SLC25A26: variants seen among roughly 807,000 people sequenced by gnomAD.
SLC25A26 encodes the protein mitochondrial S-adenosylmethionine carrier protein.
A neutral mutation model predicts 37.8 loss-of-function variants in SLC25A26; 36 were observed. That is an observed-to-expected ratio of 0.95 (90% CI 0.73 to 1.26). The LOEUF (loss-of-function observed/expected upper bound fraction) is 1.26. Among genes scored for constraint, SLC25A26 ranks in the 50% most tolerant of loss-of-function variants. The pLI is 0.00. For missense variants in SLC25A26, 390 were observed against 331.1 expected (o/e 1.18, Z -1.38); for synonymous variants, 129 against 122.5 (o/e 1.05, Z -0.35).
intron 2 of SLC25A26, among the ~76,000 whole-genome samples, chr3:66,239,371 C>A (rs564257567): frequency 7.3e-5 from 11 of 151,544 alleles, no homozygotes; most frequent in Non-Finnish European, 1.3e-4. Context: ...TGATAAATGT[C>A]CTTGGTGACA....
At chr3:66,266,862 T>C (rs1322543037) in intron 5 of SLC25A26, among the ~76,000 whole-genome samples, 4 of 152,218 alleles carry the variant, frequency 2.6e-5, no homozygotes. Context: ...GCTATTGGCC[T>C]GAAAATTTTA....
intron 1 of SLC25A26, among the ~76,000 whole-genome samples, chr3:66,221,412 T>C (rs556385210): frequency 6.6e-6 from 1 of 152,366 alleles, no homozygotes; most frequent in South Asian, 2.1e-4. Context: ...TTATACACTG[T>C]TAACTACTCT....
chr3:66,284,288 G>A (rs566581760), intron 5 of SLC25A26, among the ~76,000 whole-genome samples: 9 of 152,322 alleles, frequency 5.9e-5, no homozygotes, highest in Non-Finnish European at 5.9e-5. Flanking sequence ...AGTGGAGGCT[G>A]CAATGAGCTT....
chr3:66,261,360 C>A (rs551554735), intron 3 of SLC25A26, among the ~76,000 whole-genome samples: 2 of 152,254 alleles, frequency 1.3e-5, no homozygotes, highest in East Asian at 1.9e-4. Flanking sequence ...TTTATTGTTT[C>A]TATTTCTGAA....
chr3:66,188,300 T>G (rs2070869504), intron 1 of SLC25A26, among the ~76,000 whole-genome samples: 1 of 152,188 alleles, frequency 6.6e-6, no homozygotes, highest in South Asian at 2.1e-4. Flanking sequence ...ACTACAATGA[T>G]TTGAAAGTTT....
chr3:66,349,597 A>G (rs559806635), intron 6 of SLC25A26, among the ~76,000 whole-genome samples: 1 of 151,956 alleles, frequency 6.6e-6, no homozygotes, highest in Non-Finnish European at 1.5e-5. Context: ...CAATTTATTC[A>G]CTAGTTTATA....
intron 1 of SLC25A26, among the ~76,000 whole-genome samples, chr3:66,181,520 G>C (rs2070705853): frequency 6.6e-6 from 1 of 152,166 alleles, no homozygotes; most frequent in Admixed American, 6.5e-5. Context: ...AGTAGTTTCA[G>C]TTTACAAAGT....
At chr3:66,315,524 A>C (rs185069091) in intron 5 of SLC25A26, among the ~76,000 whole-genome samples, 3 of 152,272 alleles carry the variant, frequency 2.0e-5, no homozygotes, top group Non-Finnish European at 4.4e-5. Context: ...TTTGCTCACA[A>C]GTGATTTTCT....
chr3:66,239,206 G>A (rs2072448094), intron 2 of SLC25A26, among the ~76,000 whole-genome samples: 1 of 151,444 alleles, frequency 6.6e-6, no homozygotes, highest in Non-Finnish European at 1.5e-5. Flanking sequence ...TTCCTCTGGT[G>A]TGGTGTCTGT....
intron 5 of SLC25A26, among the ~76,000 whole-genome samples, chr3:66,324,469 A>AT (rs1559700517): frequency 6.6e-6 from 1 of 151,972 alleles, no homozygotes; most frequent in Non-Finnish European, 1.5e-5. Context: ...CATGGGAGCA[A>AT]TTGGGGAGGT....
chr3:66,284,633 T>G (rs531688488), intron 5 of SLC25A26, among the ~76,000 whole-genome samples: 1 of 152,084 alleles, frequency 6.6e-6, no homozygotes, highest in African/African-American at 2.4e-5. Flanking sequence ...CACAGTAGTG[T>G]AAAAAGAACA....
At chr3:66,362,827 A>G in intron 6 of SLC25A26, 33 bp from the exon 7 acceptor site, 2 of 1,481,146 alleles carry the variant, frequency 1.4e-6, no homozygotes, top group South Asian at 2.5e-5. Flanking sequence ...CAAATATTTA[A>G]TAACTTGTAT....
At chr3:66,373,348 C>T (rs540830579) in intron 9 of SLC25A26, among the ~76,000 whole-genome samples, 21 of 152,310 alleles carry the variant, frequency 1.4e-4, no homozygotes, top group Admixed American at 7.2e-4. Context: ...AATTACTCCA[C>T]GTTAAGGCCG....
At position 66,235,700 on chromosome 3, in the gene SLC25A26, A is replaced by C. The variant is rs534254334; in HGVS notation, c.34-844A>C. The stretch of plus-strand genomic sequence containing the variant: ...TCTGACGTGAAAAGATAAATCGTTA[A>C]AAAAAGTACAGAATAGTGCATATTG... On this transcript the variant is annotated intron_variant, in intron 1 of 9. Transcript: ENST00000354883. Among the ~76,000 whole-genome samples, 7 of 152,310 alleles carry C rather than the reference A, an allele frequency of 4.6e-5. No homozygotes were observed. The South Asian group carries it at 1.5e-3, about 32-fold the overall frequency.
At chr3:66,179,076 A>T (rs1047582984) in intron 1 of SLC25A26, among the ~76,000 whole-genome samples, 1 of 152,218 alleles carries the variant, frequency 6.6e-6, no homozygotes, top group African/African-American at 2.4e-5. Flanking sequence ...AGCTGAAAAA[A>T]TTGTTAACAT....
chr3:66,151,278 A>T (rs2070204516), intron 1 of SLC25A26, among the ~76,000 whole-genome samples: 1 of 151,916 alleles, frequency 6.6e-6, no homozygotes, highest in African/African-American at 2.4e-5. Flanking sequence ...CTCCAATAAC[A>T]AGCGGGCTGT....
intron 1 of SLC25A26, among the ~76,000 whole-genome samples, chr3:66,194,611 ACT>A (rs1292298276): frequency 6.6e-6 from 1 of 151,548 alleles, no homozygotes. Context: ...AAGGATGAAA[ACT>A]CTTTTTTTGA....
upstream of SLC25A26, among the ~76,000 whole-genome samples, chr3:66,219,509 T>C (rs1308488991): frequency 6.6e-6 from 1 of 152,238 alleles, no homozygotes; most frequent in Non-Finnish European, 1.5e-5. Flanking sequence ...CAGAGATTCT[T>C]CTGCTGGCAT....
chr3:66,307,558 T>G (rs758192493), intron 5 of SLC25A26, among the ~76,000 whole-genome samples: 15 of 152,240 alleles, frequency 9.9e-5, no homozygotes, highest in Non-Finnish European at 1.9e-4. Context: ...TTTTGGTGTT[T>G]TAATCATGAA....
Sources: allele counts gnomAD v4.1 joint callset (sites outside exome capture counted in the v4.1 genomes callset), GRCh38; gene constraint gnomAD v4.1.1; transcripts MANE v1.5; gene names NCBI Gene and HGNC (gene_info 2026-07-23, HGNC 2026-07-21).